The following USP45 variants were observed in gnomAD, a reference collection of about 807,000 sequenced individuals.
USP45 encodes ubiquitin carboxyl-terminal hydrolase 45.
A neutral mutation model predicts 95.8 loss-of-function variants in USP45; 89 were observed. That is an observed-to-expected ratio of 0.93 (90% confidence interval 0.78 to 1.11). The LOEUF is 1.11. Ranked by LOEUF, USP45 falls within the 50% of genes least tolerant of loss-of-function variation. USP45 has a pLI of 0.00. For synonymous variants in USP45, 281 were observed against 316.2 expected, an observed-to-expected ratio of 0.89 and a Z score of 1.18; for missense variants, 898 against 942.5, an observed-to-expected ratio of 0.95 and a Z score of 0.62.
chr6:99,468,324 TG>T, intron 10 of USP45, among the ~76,000 whole-genome samples: 1 of 152,242 alleles, frequency 6.6e-6, no homozygotes, highest in South Asian at 2.1e-4. Context: ...TCTGTATACT[TG>T]GTATAGCTTT....
Position 99,488,276 on chromosome 6 carries a change from G to A in USP45, c.638C>T (p.Thr213Ile). 1 of 1,608,026 alleles carries A rather than the reference G, an allele frequency of 6.2e-7. No homozygotes were observed. Among genetic ancestry groups the A allele is most frequent in the Non-Finnish European group, 8.5e-7 (1 of 1,178,052 alleles). The change falls in exon 7 of 18, where the codon ACT becomes ATT. Residue 213 changes from threonine (T) to isoleucine (I), a missense_variant. Physicochemically the swap from Thr to Ile is moderately conservative, Grantham distance 89. Transcript: ENST00000500704. ...GATCTCATTCATCAGATCAGTAAGA[G>A]TATAAGTCTGTGCCAAGTTCTAAAA... ...AVMQNLAQTY[T>I]LTDLMNEIKE...
At chr6:99,439,949 T>G (rs1582944510) in intron 15 of USP45, 94 bp from the exon 16 acceptor site, 2 of 871,364 alleles carry the variant, frequency 2.3e-6, no homozygotes, top group African/African-American at 3.5e-5. Flanking sequence ...TAGGACTTAG[T>G]TTTTTCATAG....
chr6:99,489,973 T>C (rs1794808457), intron 5 of USP45, among the ~76,000 whole-genome samples: 1 of 152,068 alleles, frequency 6.6e-6, no homozygotes, highest in African/African-American at 2.4e-5. Flanking sequence ...GAAAATTATA[T>C]TATCAGTTCA....
chr6:99,487,722 G>A (rs1794286147), intron 7 of USP45, among the ~76,000 whole-genome samples: 1 of 151,732 alleles, frequency 6.6e-6, no homozygotes, highest in Admixed American at 6.5e-5. Context: ...ATAAACCCGG[G>A]AGGCGGAGCT....
At chr6:99,491,820 A>C (rs1016289406) in intron 5 of USP45, among the ~76,000 whole-genome samples, 1 of 152,098 alleles carries the variant, frequency 6.6e-6, no homozygotes, top group Non-Finnish European at 1.5e-5. Context: ...ATGTTGCCAC[A>C]ATATTTTTTA....
chr6:99,437,297 T>C lies in USP45; in HGVS notation c.2263A>G (p.Thr755Ala). 6.2e-7 allele frequency: 1 copy of C among 1,613,834 alleles called. No homozygotes were observed. Among genetic ancestry groups the C allele is most frequent in the Non-Finnish European group, 8.5e-7 (1 of 1,179,896 alleles). ...TGTTCCGATAATTTCCTGGAGGGTGTTCTCACTTTCACATAAGCAGTGTAG... is the reference window on the plus strand; with the variant it reads ...TGTTCCGATAATTTCCTGGAGGGTGCTCTCACTTTCACATAAGCAGTGTAG... ...GHYTAYVKVR[T>A]PSRKLSEHNT... The change falls in exon 17 of 18, where the codon ACA becomes GCA. Residue 755 changes from threonine to alanine, a missense_variant. Thr to Ala is a moderately conservative substitution (Grantham distance 58). Coordinates refer to ENST00000500704, the MANE Select transcript of USP45 (RefSeq NM_001346022.3).
intron 5 of USP45, among the ~76,000 whole-genome samples, chr6:99,491,600 T>A (rs1202891106): frequency 2.6e-5 from 4 of 152,208 alleles, no homozygotes; most frequent in African/African-American, 9.6e-5. Context: ...AAGGTCACAA[T>A]GATAATCTTC....
upstream of USP45, among the ~76,000 whole-genome samples, chr6:99,516,080 C>T (rs1338867168): frequency 1.3e-5 from 2 of 151,992 alleles, no homozygotes; most frequent in Non-Finnish European, 2.9e-5. Context: ...CCCGGCTCCG[C>T]CCCCACACCC....
Position 99,508,668 on chromosome 6 carries a change from T to C in USP45, c.215A>G (p.Tyr72Cys), listed in dbSNP as rs1044132537. The change falls in exon 3 of 18, where the codon TAT (tyrosine) becomes TGT (cysteine). Residue 72 changes from tyrosine (Y) to cysteine (C), a missense_variant. Transcript: ENST00000500704. ...CSECLKERRFYDGQLVLTSDI... is the reference protein window; with the variant it reads ...CSECLKERRFCDGQLVLTSDI... ...AGAAGTAAGTACTAGCTGCCCATCATAGAATCTTCTTTCTTTTAAACATTC... is the reference window on the plus strand; with the variant it reads ...AGAAGTAAGTACTAGCTGCCCATCACAGAATCTTCTTTCTTTTAAACATTC... 5.6e-6 allele frequency: 9 copies of C among 1,613,814 alleles called. No homozygotes were observed. Among genetic ancestry groups the C allele is most frequent in the East Asian group, 2.2e-5 (1 of 44,858 alleles).
chr6:99,479,672 AC>A (rs34085803), intron 8 of USP45, among the ~76,000 whole-genome samples: 22,015 of 151,462 alleles, frequency 0.15, 2,313 homozygotes, highest in Non-Finnish European at 0.21. Context: ...CTTAATAAGA[AC>A]TCTCAGAAAA....
At chr6:99,465,002 T>C (rs1170724480) in intron 12 of USP45, 78 bp downstream of exon 12, 5 of 1,231,134 alleles carry the variant, frequency 4.1e-6, no homozygotes, top group Non-Finnish European at 5.7e-6. Flanking sequence ...AGATATCTGG[T>C]AATATACTCA....
chr6:99,515,498 C>T (rs746797572), upstream of USP45: 1 of 151,840 alleles, frequency 6.6e-6, no homozygotes, highest in African/African-American at 2.4e-5. Context: ...CAGCCAGGAC[C>T]GGGAGGGTTC....
Position 99,446,163 on chromosome 6 carries a change from G to C in USP45, c.1609C>G (p.Leu537Val). 6.2e-7 allele frequency: 1 copy of C among 1,614,192 alleles called. No individual in the cohort carries two copies. Among genetic ancestry groups the C allele is most frequent in the Non-Finnish European group, 8.5e-7 (1 of 1,180,036 alleles). Residue 537 changes from leucine to valine, a missense_variant, in exon 14 of 18, where the codon CTG (leucine) becomes GTG (valine). Coordinates refer to ENST00000500704, the MANE Select transcript of USP45 (RefSeq NM_001346022.3). Reference protein sequence around the residue: ...GVQPDGPLYPLSAGKLLYTKE... With the variant: ...GVQPDGPLYPVSAGKLLYTKE... ...GTGTACAGCAGTTTACCTGCTGACA[G>C]AGGGTAAAGGGGTCCATCTGGCTGC...
intron 9 of USP45, among the ~76,000 whole-genome samples, chr6:99,473,306 G>A (rs1253811310): frequency 2.0e-5 from 3 of 151,952 alleles, no homozygotes; most frequent in Admixed American, 2.0e-4. Flanking sequence ...TTGGGAGGCC[G>A]AGGCAGGCAG....
intron 16 of USP45, 90 bp downstream of exon 16, chr6:99,439,679 T>C (rs1448290288): frequency 4.3e-6 from 4 of 936,248 alleles, no homozygotes; most frequent in Non-Finnish European, 5.9e-6. Context: ...AGAGAAGTTA[T>C]TTTTTTAGAA....
At chr6:99,517,601 A>ATTTTTTTTT (rs11398930), upstream of USP45, among the ~76,000 whole-genome samples, 1 of 136,776 alleles carries the variant, frequency 7.3e-6, no homozygotes, top group African/African-American at 2.7e-5. Flanking sequence ...CACATAGCTA[A>ATTTTTTTTT]TTTTTTTTTT....
chr6:99,466,775 A>G lies in USP45; in HGVS notation c.1016-12T>C, dbSNP rs1397090852. Reference sequence around the variant, plus strand: ...TTCTTTTCCATATGCTGTAAAAATCATACTTTTTAATGCAAAAAACATGTC... The same window carrying G: ...TTCTTTTCCATATGCTGTAAAAATCGTACTTTTTAATGCAAAAAACATGTC... On this transcript the variant is annotated splice_polypyrimidine_tract_variant and intron_variant, in intron 10 of 17. Coordinates refer to ENST00000500704, the MANE Select transcript of USP45 (RefSeq NM_001346022.3). 3.1e-6 allele frequency: 5 copies of G among 1,604,180 alleles called. No individual in the cohort carries two copies. The East Asian group carries it at 1.1e-4, about 36-fold the overall frequency.
At chr6:99,441,463 C>T (rs533635177) in intron 15 of USP45, among the ~76,000 whole-genome samples, 19 of 151,314 alleles carry the variant, frequency 1.3e-4, no homozygotes, top group Non-Finnish European at 2.6e-4. Flanking sequence ...ACCCAGGAGG[C>T]GGAGGTTGCA....
At chr6:99,457,850 A>G (rs1452542666) in intron 13 of USP45, among the ~76,000 whole-genome samples, 2 of 152,204 alleles carry the variant, frequency 1.3e-5, no homozygotes, top group African/African-American at 4.8e-5. Flanking sequence ...GATTCTCATC[A>G]TCAGCTGGTC....
Sources: gnomAD v4.1 joint callset for allele counts (sites outside exome capture counted in the v4.1 genomes callset) on GRCh38, gnomAD v4.1.1 for gene constraint, MANE v1.5 for transcripts, NCBI Gene and HGNC (gene_info 2026-07-23, HGNC 2026-07-21) for gene names.